The following PANK1 variants were observed in gnomAD, a reference collection of about 807,000 sequenced individuals.
PANK1 encodes pantothenic acid kinase 1.
A neutral mutation model predicts 40.1 loss-of-function variants in PANK1; 18 were observed. The ratio of observed to expected loss-of-function variants is 0.45; its 90% CI spans 0.31 to 0.67. The LOEUF (loss-of-function observed/expected upper bound fraction) is 0.67. Ranked by LOEUF, PANK1 falls within the 30% of genes least tolerant of loss-of-function variation. The pLI is 0.06. For synonymous variants in PANK1, 242 were observed against 237.7 expected, an observed-to-expected ratio of 1.02 and a Z score of -0.17; for missense variants, 457 against 599.6, an observed-to-expected ratio of 0.76 and a Z score of 2.48.
intron 2 of PANK1, among the ~76,000 whole-genome samples, chr10:89,605,853 AAAG>A (rs1382358699): frequency 6.6e-6 from 1 of 152,236 alleles, no homozygotes; most frequent in Non-Finnish European, 1.5e-5. Flanking sequence ...TTAAAAAAAA[AAAG>A]TATTCCTTAA....
At position 89,611,932 on chromosome 10, in the gene PANK1, G is replaced by A. The variant is rs545008942; in HGVS notation, c.409C>T (p.Arg137Trp). Residue 137 changes from arginine to tryptophan, a missense_variant, in exon 2 of 7, where the codon CGG (arginine) becomes TGG (tryptophan). Coordinates refer to ENST00000307534, the MANE Select transcript of PANK1 (RefSeq NM_148977.3). ...GCAGTATTAGAAGTCAAATACTTCC[G>A]GATGCTCTTCAGGTTCTCCACTTCC... Reference protein sequence around the residue: ...QEEVENLKSIRKYLTSNTAYG... With the variant: ...QEEVENLKSIWKYLTSNTAYG... 76 of 1,614,046 alleles carry A rather than the reference G, an allele frequency of 4.7e-5. No homozygotes were observed. The highest frequency in any genetic ancestry group is 2.3e-4 in the South Asian group (21 of 91,076).
rs751152624 is a variant in PANK1 at position 89,645,098 on chromosome 10, G to C, written c.-207C>G. 1.4e-6 allele frequency: 2 copies of C among 1,468,212 alleles called. No homozygotes were observed. Among genetic ancestry groups the C allele is most frequent in the Non-Finnish European group, 1.8e-6 (2 of 1,116,964 alleles). 90.9% of individuals were successfully genotyped at this position (1,468,212 alleles called of 1,614,324 possible). A position where few individuals can be genotyped will look rare whatever the true frequency, so the allele number is the denominator to read the frequency against. The stretch of plus-strand genomic sequence containing the variant: ...TCTGCGCCCTGCCCCCCGCGCGCCG[G>C]CCCCACGGCGCCGGCCTGGAGCACG... On this transcript the variant is annotated 5_prime_UTR_variant, in exon 1 of 7. Transcript: ENST00000307534.
At position 89,593,457 on chromosome 10, in the gene PANK1, C is replaced by G. The variant is rs1028430486; in HGVS notation, c.1077-137G>C. ...CAATTTTGCTACTATGGTTTATAAG[C>G]AGACAGAATTATAGTATGCATGGCT... On this transcript the variant is annotated intron_variant, in intron 4 of 6. Transcript: ENST00000307534. 4.1e-6 allele frequency: 4 copies of G among 968,430 alleles called. No homozygotes were observed. The African/African-American group carries it at 6.6e-5, about 16-fold the overall frequency. 60.0% of individuals were successfully genotyped at this position (968,430 alleles called of 1,614,324 possible).
At position 89,595,907 on chromosome 10, in the gene PANK1, C is replaced by T. The variant is rs191624566; in HGVS notation, c.900-1918G>A. Among the ~76,000 whole-genome samples the T allele has an allele frequency of 8.0e-3, 1,089 of 135,746 alleles. 19 individuals carry two copies. Among genetic ancestry groups the T allele is most frequent in the Admixed American group, 0.012 (166 of 13,328 alleles). The allele number at this position is 135,746 out of a possible 152,430, so 89.1% of individuals were successfully genotyped here. On this transcript the variant is annotated intron_variant, in intron 3 of 6. Transcript: ENST00000307534. ...TTACTAATATATATATGTACACACACACATATATATATGATTGAAATTATG... is the reference window on the plus strand; with the variant it reads ...TTACTAATATATATATGTACACACATACATATATATATGATTGAAATTATG...
At chr10:89,606,857 C>T (rs553662231) in intron 2 of PANK1, among the ~76,000 whole-genome samples, 2 of 152,328 alleles carry the variant, frequency 1.3e-5, no homozygotes, top group South Asian at 4.1e-4. Flanking sequence ...GCTTCCTCCC[C>T]TCTCTCAGAC....
intron 1 of PANK1, 46 bp downstream of exon 1, chr10:89,644,554 C>G: frequency 6.5e-7 from 1 of 1,535,004 alleles, no homozygotes; most frequent in South Asian, 1.2e-5. Flanking sequence ...GGGCCCCGCA[C>G]GCTGCGTCTG....
At chr10:89,586,144 G>T (rs886883265) in intron 6 of PANK1, among the ~76,000 whole-genome samples, 6 of 152,116 alleles carry the variant, frequency 3.9e-5, no homozygotes, top group African/African-American at 1.2e-4. Context: ...ATCCCTGACA[G>T]TTTCCAGGCT....
intron 3 of PANK1, among the ~76,000 whole-genome samples, chr10:89,598,286 C>T (rs900239266): frequency 1.3e-5 from 2 of 152,180 alleles, no homozygotes; most frequent in African/African-American, 2.4e-5. Context: ...GGTGAGTAGT[C>T]CTGCAGAATT....
rs1422819472 is a variant in PANK1 at position 89,644,715 on chromosome 10, C to T, written c.177G>A (p.Gln59=). 6.5e-7 allele frequency: 1 copy of T among 1,536,148 alleles called. No homozygotes were observed. The highest frequency in any genetic ancestry group is 1.9e-5 in the Admixed American group (1 of 52,282). Residue 59 remains glutamine (Q), a synonymous_variant, in exon 1 of 7, where the codon CAG becomes CAA. Coordinates refer to ENST00000307534, the MANE Select transcript of PANK1 (RefSeq NM_148977.3). ...GCAGCTCCGGCAGGAGCGGGAGGCG[C>T]TGGGGCGCCGCGTCGCTGCCGCCCA... ...GPVGGSDAAP[Q]RLPLLPELQP...
chr10:89,602,225 A>G (rs1370377599), intron 2 of PANK1, among the ~76,000 whole-genome samples: 1 of 152,198 alleles, frequency 6.6e-6, no homozygotes, highest in Non-Finnish European at 1.5e-5. Flanking sequence ...AAAAAGAAAA[A>G]CCTGCCAAGG....
At chr10:89,579,717 C>A (rs774092531), downstream of PANK1, 1 of 152,116 alleles carries the variant, frequency 6.6e-6, no homozygotes, top group Non-Finnish European at 1.5e-5. Context: ...TCTCTCCTCC[C>A]TCTCTATCCT....
chr10:89,606,625 G>A (rs56186814), intron 2 of PANK1, among the ~76,000 whole-genome samples: 82,669 of 151,682 alleles, frequency 0.55, 23,393 homozygotes, highest in South Asian at 0.63. Context: ...CTGGGCTCAA[G>A]CGATCCTCCC....
intron 1 of PANK1, among the ~76,000 whole-genome samples, chr10:89,642,413 G>A (rs952302569): frequency 6.6e-6 from 1 of 152,218 alleles, no homozygotes; most frequent in Non-Finnish European, 1.5e-5. Context: ...CCAAACTGTT[G>A]TAACTGACCA....
rs77564695 is a variant in PANK1 at position 89,634,607 on chromosome 10, C to G, written c.292+9993G>C. On this transcript the variant is annotated intron_variant, in intron 1 of 6. Transcript: ENST00000307534. Reference sequence around the variant, plus strand: ...GAACTTGATGTAGTTCTTCTGAATTCTGAAGTCTTGTTCAATTCATGTGGC... The same window carrying G: ...GAACTTGATGTAGTTCTTCTGAATTGTGAAGTCTTGTTCAATTCATGTGGC... 3.9e-3 allele frequency among the ~76,000 whole-genome samples: 588 copies of G among 152,280 alleles called. 5 individuals carry two copies. Among genetic ancestry groups the G allele is most frequent in the African/African-American group, 0.013 (558 of 41,560 alleles).
intron 1 of PANK1, among the ~76,000 whole-genome samples, chr10:89,630,508 TTTG>T (rs1841606389): frequency 6.6e-6 from 1 of 152,042 alleles, no homozygotes; most frequent in Admixed American, 6.5e-5. Context: ...TGTTTTTTTT[TTTG>T]AGACGGAGTC....
chr10:89,602,212 G>C (rs561459917), intron 2 of PANK1, among the ~76,000 whole-genome samples: 1 of 152,184 alleles, frequency 6.6e-6, no homozygotes, highest in African/African-American at 2.4e-5. Context: ...AACTATACTA[G>C]GAAAAAAGAA....
At chr10:89,597,259 C>T (rs950625582) in intron 3 of PANK1, among the ~76,000 whole-genome samples, 4 of 152,210 alleles carry the variant, frequency 2.6e-5, no homozygotes, top group African/African-American at 9.7e-5. Flanking sequence ...TAACTGTAAT[C>T]GTTTATGTCA....
Position 89,645,220 on chromosome 10 carries a change from G to T in PANK1, c.-329C>A, listed in dbSNP as rs1191332672. On this transcript the variant is annotated 5_prime_UTR_variant, in exon 1 of 7. Transcript: ENST00000307534. ...ATCCCCAGGCCGCGCGACTTCAAACGCGGCTTCCTCGCCTCCCAGACTGGT... is the reference window on the plus strand; with the variant it reads ...ATCCCCAGGCCGCGCGACTTCAAACTCGGCTTCCTCGCCTCCCAGACTGGT... 1 of 1,598,862 alleles carries T rather than the reference G, an allele frequency of 6.3e-7. No individual in the cohort carries two copies. Among genetic ancestry groups the T allele is most frequent in the South Asian group, 1.1e-5 (1 of 90,206 alleles).
At chr10:89,608,642 C>T (rs1368720251) in intron 2 of PANK1, among the ~76,000 whole-genome samples, 4 of 152,176 alleles carry the variant, frequency 2.6e-5, no homozygotes, top group African/African-American at 4.8e-5. Context: ...TAGCCCTAAT[C>T]GCTCAAATAA....
Sources: allele counts gnomAD v4.1 joint callset (sites outside exome capture counted in the v4.1 genomes callset), GRCh38; gene constraint gnomAD v4.1.1; transcripts MANE v1.5; gene names NCBI Gene and HGNC (gene_info 2026-07-23, HGNC 2026-07-21).